ACP6: variants seen among roughly 807,000 people sequenced by gnomAD.
The protein encoded by ACP6 is acid phosphatase 6, lysophosphatidic, also known as lysophosphatidic acid phosphatase type 6.
A neutral mutation model predicts 48.1 loss-of-function variants in ACP6; 48 were observed. The observed-to-expected ratio is 1.00, with a 90% confidence interval of 0.79 to 1.27. ACP6 has a LOEUF of 1.27. Among genes scored for constraint, ACP6 ranks in the 50% most tolerant of loss-of-function variants. The pLI is 0.00. For synonymous variants in ACP6, 172 were observed against 204.2 expected (o/e 0.84, Z 1.34); for missense variants, 485 against 529.1 (o/e 0.92, Z 0.82).
intron 1 of ACP6, 104 bp downstream of exon 1, chr1:147,669,726 C>A (rs1660985396): frequency 7.9e-7 from 1 of 1,264,746 alleles, no homozygotes; most frequent in African/African-American, 1.5e-5. Flanking sequence ...CAACCCGAGC[C>A]CCGCTCCGCG....
chr1:147,654,055 C>T, intron 6 of ACP6, 139 bp downstream of exon 6: 1 of 1,417,264 alleles, frequency 7.1e-7, no homozygotes. Context: ...CCCTCAGTCC[C>T]CACACCCATT....
At chr1:147,654,115 C>G in intron 6 of ACP6, 79 bp downstream of exon 6, 1 of 1,566,212 alleles carries the variant, frequency 6.4e-7, no homozygotes, top group Admixed American at 1.9e-5. Context: ...GGCCTCCACC[C>G]ACTTCTCTCC....
Position 147,655,277 on chromosome 1 carries a change from G to A in ACP6, c.560-29C>T, listed in dbSNP as rs201812481. 4 of 1,531,530 alleles carry A rather than the reference G, an allele frequency of 2.6e-6. No individual in the cohort carries two copies. The Admixed American group carries it at 5.4e-5, about 21-fold the overall frequency. The allele number at this position is 1,531,530 out of a possible 1,614,324, so 94.9% of individuals were successfully genotyped here. On this transcript the variant is annotated intron_variant, in intron 4 of 9. Transcript: ENST00000583509. Reference sequence around the variant, plus strand: ...GAAGAAAGGGAGGAAGCACAGGCAGGCAGAGGCTTCAGCTTGTTCTTCCCA... The same window carrying A: ...GAAGAAAGGGAGGAAGCACAGGCAGACAGAGGCTTCAGCTTGTTCTTCCCA...
intron 4 of ACP6, among the ~76,000 whole-genome samples, chr1:147,657,605 C>G (rs1857210): frequency 0.1 from 15,622 of 151,966 alleles, 1,018 homozygotes; most frequent in East Asian, 0.33. Flanking sequence ...ATTTTTAGTA[C>G]AGATGGGGTT....
At position 147,652,568 on chromosome 1, in the gene ACP6, G is replaced by A. The variant is rs191988244; in HGVS notation, c.781-19C>T. ...TGTGTGCCTGAAAGGGCCACATGTA[G>A]TTTTAGAAAAAAATGCTTCTTACCT... On this transcript the variant is annotated intron_variant, in intron 6 of 9. Coordinates refer to ENST00000583509, the MANE Select transcript of ACP6 (RefSeq NM_016361.5). The A allele has an allele frequency of 1.3e-4, 206 of 1,613,680 alleles. No individual in the cohort carries two copies. The African/African-American group carries it at 2.3e-3, about 18-fold the overall frequency.
chr1:147,663,432 C>G (rs1228514849), intron 1 of ACP6, among the ~76,000 whole-genome samples: 1 of 152,168 alleles, frequency 6.6e-6, no homozygotes, highest in African/African-American at 2.4e-5. Flanking sequence ...GTTTCAAAAT[C>G]ACCTAATTAA....
At chr1:147,667,799 G>A (rs1372817307) in intron 1 of ACP6, among the ~76,000 whole-genome samples, 5 of 152,076 alleles carry the variant, frequency 3.3e-5, no homozygotes, top group Non-Finnish European at 7.4e-5. Flanking sequence ...AGACCATCCT[G>A]GCCAACATGA....
intron 5 of ACP6, among the ~76,000 whole-genome samples, chr1:147,631,831 AAC>A (rs1298747357): frequency 1.0e-3 from 155 of 151,850 alleles, no homozygotes; most frequent in African/African-American, 3.1e-3. Flanking sequence ...CAACAACAAC[AAC>A]AAAAAAAACA....
chr1:147,669,757 T>A, intron 1 of ACP6, 73 bp downstream of exon 1: 1 of 1,416,926 alleles, frequency 7.1e-7, no homozygotes, highest in Non-Finnish European at 9.5e-7. Context: ...TCTGAAGATG[T>A]GTGTCAGGGC....
chr1:147,662,395 A>C (rs374696745), intron 1 of ACP6, among the ~76,000 whole-genome samples: 4 of 152,204 alleles, frequency 2.6e-5, no homozygotes, highest in South Asian at 4.1e-4. Context: ...AACCTTATGG[A>C]AAGAATTCAC....
In ACP6 at chr1:147,659,751, C is replaced by T. The variant is rs1660447294; in HGVS notation, c.244G>A (p.Glu82Lys). ...EQVEWNPQLL[E>K]VPPQTQFDYT... ...TCAAACTGAGTTTGGGGTGGGACCT[C>T]TAATAGCTGGGGGTTCCACTCTACC... The change falls in exon 2 of 10, where the codon GAG becomes AAG. Residue 82 changes from glutamate (E) to lysine (K), a missense_variant. Coordinates refer to ENST00000583509, the MANE Select transcript of ACP6 (RefSeq NM_016361.5). The T allele has an allele frequency of 1.2e-6, 2 of 1,613,986 alleles. No individual in the cohort carries two copies. Among genetic ancestry groups the T allele is most frequent in the Non-Finnish European group, 1.7e-6 (2 of 1,180,004 alleles).
intron 1 of ACP6, among the ~76,000 whole-genome samples, chr1:147,661,584 A>T (rs587694824): frequency 1.7e-4 from 26 of 152,282 alleles, no homozygotes; most frequent in Middle Eastern, 3.4e-3. Context: ...AATGGCCTCT[A>T]AGTGTTAAGT....
At position 147,650,138 on chromosome 1, in the gene ACP6, G is replaced by A. The variant is rs375159217; in HGVS notation, c.977+5C>T. The A allele has an allele frequency of 5.2e-5, 83 of 1,605,192 alleles. No individual in the cohort carries two copies. Among genetic ancestry groups the A allele is most frequent in the Non-Finnish European group, 6.9e-5 (81 of 1,176,074 alleles). ...TGCACAAAGCAGAGTTGCTGTGCCA[G>A]GTACCTGATCTTGTCGGGGGCAGTG... On this transcript the variant is annotated splice_donor_5th_base_variant and intron_variant, in intron 8 of 9. Transcript: ENST00000583509.
chr1:147,652,657 A>G, intron 6 of ACP6, 108 bp from the exon 7 acceptor site: 2 of 1,604,138 alleles, frequency 1.2e-6, no homozygotes, highest in Middle Eastern at 1.7e-4. Context: ...CCTGGGGAAG[A>G]GAAGACAGGC....
chr1:147,631,738 C>A (rs1232825999), intron 5 of ACP6, among the ~76,000 whole-genome samples: 1 of 152,076 alleles, frequency 6.6e-6, no homozygotes, highest in East Asian at 1.9e-4. Context: ...CGCTTGAACC[C>A]AGGAGGCGGA....
In ACP6 at chr1:147,643,581, AGGTGAG is replaced by A. The variant is rs1659521836; in HGVS notation, c.*3836_*3841del. 6.6e-6 allele frequency: 1 copy of A among 152,204 alleles called. No homozygotes were observed. Among genetic ancestry groups the A allele is most frequent in the Non-Finnish European group, 1.5e-5 (1 of 68,044 alleles). 9.4% of individuals were successfully genotyped at this position (152,204 alleles called of 1,614,324 possible). A position where few individuals can be genotyped will look rare whatever the true frequency, so the allele number is the denominator to read the frequency against. ...ACAGGAACAACAGGTGCTCACCCCG[AGGTGAG>A]GACATGGCTCAGGACTACTTGGCAT... is the stretch of plus-strand genomic sequence containing the variant. On this transcript the variant is annotated 3_prime_UTR_variant, in exon 10 of 10. Coordinates refer to ENST00000583509, the MANE Select transcript of ACP6 (RefSeq NM_016361.5).
At chr1:147,631,889 C>G (rs1222807081) in intron 5 of ACP6, among the ~76,000 whole-genome samples, 4 of 152,110 alleles carry the variant, frequency 2.6e-5, no homozygotes, top group Non-Finnish European at 5.9e-5. Context: ...TCATGGCTTC[C>G]TAATGTAATT....
At chr1:147,651,229 A>C (rs1452081135) in intron 7 of ACP6, 1 of 152,216 alleles carries the variant, frequency 6.6e-6, no homozygotes, top group Non-Finnish European at 1.5e-5. Context: ...TGAGGTTGTA[A>C]CCATTTGTCC....
At chr1:147,652,275 C>A (rs782783888) in intron 7 of ACP6, 174 bp downstream of exon 7, 5 of 581,860 alleles carry the variant, frequency 8.6e-6, no homozygotes, top group Non-Finnish European at 1.5e-5. Flanking sequence ...CCAGTCCCAG[C>A]TGTAGAAGTG....
Sources: gnomAD v4.1 joint callset for allele counts (sites outside exome capture counted in the v4.1 genomes callset) on GRCh38, gnomAD v4.1.1 for gene constraint, MANE v1.5 for transcripts, NCBI Gene and HGNC (gene_info 2026-07-23, HGNC 2026-07-21) for gene names.